The following CD96 variants were observed in gnomAD, a reference collection of about 807,000 sequenced individuals.
CD96 encodes the protein CD96 molecule, also known as T-cell surface protein tactile.
In CD96, 70 loss-of-function variants were observed where a neutral mutation model predicts 71.3. That is an observed-to-expected ratio of 0.98 (90% CI 0.81 to 1.20). The LOEUF (loss-of-function observed/expected upper bound fraction) is 1.20. Among genes scored for constraint, CD96 ranks in the 50% most tolerant of loss-of-function variants. CD96 has a pLI of 0.00. For synonymous variants in CD96, 248 were observed against 233.0 expected, an observed-to-expected ratio of 1.06 and a Z score of -0.59; for missense variants, 742 against 677.5, an observed-to-expected ratio of 1.10 and a Z score of -1.06.
At chr3:111,551,117 C>T (rs1378532425) in intron 2 of CD96, among the ~76,000 whole-genome samples, 1 of 152,000 alleles carries the variant, frequency 6.6e-6, no homozygotes, top group East Asian at 1.9e-4. Flanking sequence ...CATTAAAAGA[C>T]CAATGAGGTT....
chr3:111,571,572 A>T (rs2107560505), intron 3 of CD96, among the ~76,000 whole-genome samples: 1 of 152,246 alleles, frequency 6.6e-6, no homozygotes, highest in South Asian at 2.1e-4. Flanking sequence ...AAGGTCACAC[A>T]GTGAGAGGGT....
intron 14 of CD96, among the ~76,000 whole-genome samples, chr3:111,663,284 C>T (rs1178153502): frequency 6.6e-6 from 1 of 152,166 alleles, no homozygotes; most frequent in Non-Finnish European, 1.5e-5. Flanking sequence ...CACCTCCCAC[C>T]AGATCTCTCT....
In CD96 at chr3:111,588,955, T is replaced by A. The variant is rs1212185187; in HGVS notation, c.807+3577T>A. ...AGGTGTTTTTGTTTCTTTTTTTTTC[T>A]TTTTTTTTTTTTTTGAGATGAGTCT... On this transcript the variant is annotated intron_variant, in intron 5 of 13. Coordinates refer to ENST00000352690, the MANE Select transcript of CD96 (RefSeq NM_005816.5). Among the ~76,000 whole-genome samples the A allele has an allele frequency of 3.5e-5, 4 of 113,404 alleles. No homozygotes were observed. The South Asian group carries it at 1.2e-3, about 34-fold the overall frequency. The allele number at this position is 113,404 out of a possible 152,430, so 74.4% of individuals were successfully genotyped here.
chr3:111,553,432 TTC>T (rs1271689885), intron 2 of CD96, among the ~76,000 whole-genome samples: 34 of 124,180 alleles, frequency 2.7e-4, no homozygotes, highest in African/African-American at 1.1e-3. Context: ...GTTTTCTTTT[TTC>T]TTTTTTTTTT....
chr3:111,612,881 G>T, intron 8 of CD96: 2 of 940,210 alleles, frequency 2.1e-6, no homozygotes, highest in Non-Finnish European at 2.5e-6. Context: ...TTCCTCAGTT[G>T]GAAATAAATT....
intron 4 of CD96, 134 bp downstream of exon 4, chr3:111,579,368 T>A (rs536488461): frequency 1.4e-6 from 1 of 729,930 alleles, no homozygotes; most frequent in South Asian, 1.4e-5. Context: ...TTTCCCTGGA[T>A]ACTTGTCATT....
chr3:111,554,479 G>T (rs7648890), intron 2 of CD96, among the ~76,000 whole-genome samples: 18,146 of 151,968 alleles, frequency 0.12, 1,179 homozygotes, highest in Non-Finnish European at 0.13. Context: ...GCATTTGTTT[G>T]TCTGTTCCTA....
chr3:111,588,498 C>T (rs1291375133), intron 5 of CD96, among the ~76,000 whole-genome samples: 1 of 152,188 alleles, frequency 6.6e-6, no homozygotes, highest in African/African-American at 2.4e-5. Context: ...CCAAACTGTT[C>T]CAACCTCTGC....
intron 2 of CD96, among the ~76,000 whole-genome samples, chr3:111,550,830 C>T (rs1934664289): frequency 6.6e-6 from 1 of 152,112 alleles, no homozygotes; most frequent in African/African-American, 2.4e-5. Context: ...CTGTGTTGAA[C>T]ATCCATTTGG....
At chr3:111,643,071 A>T (rs1410880620) in intron 12 of CD96, among the ~76,000 whole-genome samples, 45 of 117,750 alleles carry the variant, frequency 3.8e-4, no homozygotes. Context: ...CAAAATCCTT[A>T]AAAAAAAAAA....
At chr3:111,591,711 G>A (rs1263347693) in intron 5 of CD96, among the ~76,000 whole-genome samples, 1 of 152,162 alleles carries the variant, frequency 6.6e-6, no homozygotes, top group African/African-American at 2.4e-5. Flanking sequence ...TTCTAAAAGG[G>A]CATCATACCT....
intron 14 of CD96, among the ~76,000 whole-genome samples, chr3:111,662,049 T>C (rs1037445669): frequency 6.6e-6 from 1 of 151,982 alleles, no homozygotes; most frequent in African/African-American, 2.4e-5. Context: ...TAGGGAGAGG[T>C]TCTCAAACCT....
intron 3 of CD96, among the ~76,000 whole-genome samples, chr3:111,576,027 T>A (rs1936206368): frequency 6.6e-6 from 1 of 152,226 alleles, no homozygotes; most frequent in African/African-American, 2.4e-5. Flanking sequence ...AGCAGGTTGA[T>A]CATAGGCTGG....
intron 12 of CD96, among the ~76,000 whole-genome samples, chr3:111,639,626 A>G (rs562632698): frequency 3.3e-5 from 5 of 152,308 alleles, no homozygotes; most frequent in South Asian, 2.1e-4. Flanking sequence ...CCAGACTACT[A>G]TAGCTGATGC....
At chr3:111,663,452 G>C (rs1940404511) in intron 14 of CD96, among the ~76,000 whole-genome samples, 1 of 152,114 alleles carries the variant, frequency 6.6e-6, no homozygotes, top group Admixed American at 6.6e-5. Flanking sequence ...AAAAGTTTCT[G>C]CACAGCAAAA....
In CD96 at chr3:111,651,790, G is replaced by C. The variant is rs561533291; in HGVS notation, c.*1984G>C. On this transcript the variant is annotated 3_prime_UTR_variant, in exon 14 of 14. Transcript: ENST00000352690. ...CCAGCTACTCAGGAGGCTGAGGCAG[G>C]AGAAGGGTGGGAACCCGGGAGGCAG... The C allele has an allele frequency of 3.3e-5, 5 of 152,134 alleles. No individual in the cohort carries two copies. The South Asian group carries it at 1.0e-3, about 32-fold the overall frequency. 9.4% of individuals were successfully genotyped at this position (152,134 alleles called of 1,614,324 possible).
intron 3 of CD96, 64 bp downstream of exon 3, chr3:111,567,711 A>G: frequency 2.2e-6 from 3 of 1,363,170 alleles, no homozygotes; most frequent in Non-Finnish European, 2.1e-6. Context: ...AGTAAAATGA[A>G]TAAGCAGTAA....
chr3:111,635,512 G>T (rs1057258451), intron 10 of CD96, among the ~76,000 whole-genome samples: 1 of 152,168 alleles, frequency 6.6e-6, no homozygotes, highest in African/African-American at 2.4e-5. Context: ...TGTAATGTTT[G>T]TAATTTGTAA....
intron 10 of CD96, among the ~76,000 whole-genome samples, chr3:111,631,705 T>C (rs1247039852): frequency 6.6e-6 from 1 of 151,422 alleles, no homozygotes; most frequent in African/African-American, 2.4e-5. Flanking sequence ...GCTGGAGGCA[T>C]CATGCTACCC....
Sources: allele counts gnomAD v4.1 joint callset (sites outside exome capture counted in the v4.1 genomes callset), GRCh38; gene constraint gnomAD v4.1.1; transcripts MANE v1.5; gene names NCBI Gene and HGNC (gene_info 2026-07-23, HGNC 2026-07-21).